The following PIEZO1 variants were observed in gnomAD, a reference collection of about 807,000 sequenced individuals.
The protein encoded by PIEZO1 is piezo type mechanosensitive ion channel component 1 (Er blood group).
Under a neutral mutation model 297.2 loss-of-function variants are expected in PIEZO1, and 296 were observed. That is an observed-to-expected ratio of 1.00 (90% CI 0.91 to 1.10). The LOEUF (loss-of-function observed/expected upper bound fraction) is 1.10, where lower values mean the gene tolerates loss of function less well. Ranked by LOEUF, PIEZO1 falls within the 50% of genes least tolerant of loss-of-function variation. The probability of loss-of-function intolerance (pLI) is 0.00; values close to 1 mark genes in which losing one functional copy is unlikely to be tolerated. For synonymous variants in PIEZO1, 2,427 were observed against 1,507.5 expected, an observed-to-expected ratio of 1.61 and a Z score of -14.13; for missense variants, 5,018 against 3,455.5, an observed-to-expected ratio of 1.45 and a Z score of -11.34.
In PIEZO1 at chr16:88,741,322, C is replaced by T. The variant is rs73266644; in HGVS notation, c.465+156G>A. On this transcript the variant is annotated intron_variant, in intron 5 of 50. Transcript: ENST00000301015. ...AACGGATGGAACTGCAGGCTGGGCC[C>T]CGGGGTGGGATTTGGAACTTCCTCC... is the stretch of plus-strand genomic sequence containing the variant. 0.014 allele frequency: 9,150 copies of T among 670,554 alleles called. 619 individuals carry two copies. In the African/African-American group the frequency reaches 0.15, roughly 11 times the overall value. 41.5% of individuals were successfully genotyped at this position (670,554 alleles called of 1,614,324 possible).
At chr16:88,727,465 G>A (rs922894585) in intron 23 of PIEZO1, 92 bp downstream of exon 23, 9 of 649,180 alleles carry the variant, frequency 1.4e-5, no homozygotes, top group African/African-American at 1.3e-4. Flanking sequence ...CTCCGCCCGT[G>A]CACGCCTGTG....
In PIEZO1 at chr16:88,742,048, C is replaced by G; in HGVS notation, c.326+5G>C. On this transcript the variant is annotated splice_donor_5th_base_variant and intron_variant, in intron 4 of 50. Transcript: ENST00000301015. ...GCTGGTTGGGGGTGGGAGGAATGGT[C>G]TTACCTTGTGACCCCTATGTGTCGC... 6.5e-7 allele frequency: 1 copy of G among 1,536,098 alleles called. No individual in the cohort carries two copies. The highest frequency in any genetic ancestry group is 8.7e-7 in the Non-Finnish European group (1 of 1,146,742).
chr16:88,759,834 A>G (rs1906845146), intron 1 of PIEZO1, among the ~76,000 whole-genome samples: 1 of 152,118 alleles, frequency 6.6e-6, no homozygotes, highest in African/African-American at 2.4e-5. Flanking sequence ...TGCATGGCCT[A>G]CCACCCCAGA....
intron 1 of PIEZO1, among the ~76,000 whole-genome samples, chr16:88,752,216 C>T (rs1906425793): frequency 6.6e-6 from 1 of 152,244 alleles, no homozygotes; most frequent in Non-Finnish European, 1.5e-5. Context: ...GGTGTGGTGG[C>T]TGAGGCCTGT....
At chr16:88,744,195 A>G (rs1410432002) in intron 2 of PIEZO1, 1 of 154,112 alleles carries the variant, frequency 6.5e-6, no homozygotes, top group African/African-American at 2.4e-5. Flanking sequence ...GAGAACACCG[A>G]CCCAGGGAAT....
At chr16:88,727,912 G>A (rs1007658643) in intron 22 of PIEZO1, 29 of 331,062 alleles carry the variant, frequency 8.8e-5, no homozygotes, top group African/African-American at 5.7e-4. Flanking sequence ...GGGGGTGGGG[G>A]CTGCTGGGCC....
At position 88,737,613 on chromosome 16, in the gene PIEZO1, C is replaced by G; in HGVS notation, c.1141G>C (p.Asp381His). ...VVPTAPDTEA[D>H]NCIVHELTGQ... ...GTCAGCTCGTGCACGATGCAGTTAT[C>G]AGCCTCGGTGTCGGGTGCTGTGGGC... The change falls in exon 10 of 51, where the codon GAT becomes CAT. Residue 381 changes from aspartate to histidine, a missense_variant. By Grantham distance (81) the Asp-to-His change is moderately conservative. Transcript: ENST00000301015. 6.5e-7 allele frequency: 1 copy of G among 1,532,900 alleles called. No homozygotes were observed. The highest frequency in any genetic ancestry group is 8.7e-7 in the Non-Finnish European group (1 of 1,146,612). The allele number at this position is 1,532,900 out of a possible 1,614,324, so 95.0% of individuals were successfully genotyped here.
Position 88,734,035 on chromosome 16 carries a change from T to C in PIEZO1, c.2200A>G (p.Thr734Ala). 1 of 1,533,674 alleles carries C rather than the reference T, an allele frequency of 6.5e-7. No homozygotes were observed. Among genetic ancestry groups the C allele is most frequent in the Non-Finnish European group, 8.8e-7 (1 of 1,137,010 alleles). The change falls in exon 17 of 51, where the codon ACC (threonine) becomes GCC (alanine). Residue 734 changes from threonine to alanine, a missense_variant. Coordinates refer to ENST00000301015, the MANE Select transcript of PIEZO1 (RefSeq NM_001142864.4). ...TGCTGCTCCTCCCGCAGCAGTGGGGTCCCACTCACTGCATCCTGCCTGGGA... is the reference window on the plus strand; with the variant it reads ...TGCTGCTCCTCCCGCAGCAGTGGGGCCCCACTCACTGCATCCTGCCTGGGA... ...WAHRQDAVSG[T>A]PLLREEQQEH...
chr16:88,731,940 A>AAAGAGTG, intron 21 of PIEZO1, 30 bp from the exon 22 acceptor site: 1 of 1,334,742 alleles, frequency 7.5e-7, no homozygotes, highest in Non-Finnish European at 1.0e-6. Flanking sequence ...GGGTGTGGGG[A>AAAGAGTG]TGCACTGAGT....
chr16:88,760,568 G>A (rs564491414), intron 1 of PIEZO1, among the ~76,000 whole-genome samples: 1 of 152,276 alleles, frequency 6.6e-6, no homozygotes, highest in Admixed American at 6.5e-5. Context: ...GCAGGGATCC[G>A]AGGGGAACGA....
At chr16:88,752,075 G>A (rs190094431) in intron 1 of PIEZO1, among the ~76,000 whole-genome samples, 18 of 152,352 alleles carry the variant, frequency 1.2e-4, no homozygotes, top group Admixed American at 2.6e-4. Flanking sequence ...GGTGCCGTGC[G>A]TGCAGTTTCC....
chr16:88,781,784 G>T (rs539403028), intron 1 of PIEZO1, among the ~76,000 whole-genome samples: 2 of 152,362 alleles, frequency 1.3e-5, no homozygotes, highest in South Asian at 4.1e-4. Flanking sequence ...CCAGCTTCTC[G>T]GCCGCCTCCC....
Position 88,715,774 on chromosome 16 carries a change from A to G in PIEZO1, c.7397T>C (p.Ile2466Thr). 6.5e-7 allele frequency: 1 copy of G among 1,550,324 alleles called. No homozygotes were observed. The highest frequency in any genetic ancestry group is 8.7e-7 in the Non-Finnish European group (1 of 1,146,948). Residue 2466 changes from isoleucine (I) to threonine (T), a missense_variant, in exon 51 of 51, where the codon ATT (isoleucine) becomes ACT (threonine). Transcript: ENST00000301015. ...RGFFSEISHS[I>T]MFEELPCVDR... is the part of the protein sequence containing the mutation. Reference sequence around the variant, plus strand: ...CACGCACGGCAGCTCCTCGAACATAATGGAGTGCGAGATCTCGCTGAAGAA... The same window carrying G: ...CACGCACGGCAGCTCCTCGAACATAGTGGAGTGCGAGATCTCGCTGAAGAA...
Position 88,715,470 on chromosome 16 carries a change from G to T in PIEZO1, c.*135C>A. ...TCTCTGACAGCAGCATCAGGGCTCA[G>T]GCAGGCCGGGAGGATGCATCACAGC... On this transcript the variant is annotated 3_prime_UTR_variant, in exon 51 of 51. Coordinates refer to ENST00000301015, the MANE Select transcript of PIEZO1 (RefSeq NM_001142864.4). 9.7e-7 allele frequency: 1 copy of T among 1,035,548 alleles called. No individual in the cohort carries two copies. 64.1% of individuals were successfully genotyped at this position (1,035,548 alleles called of 1,614,324 possible).
chr16:88,774,143 T>A (rs773343090), intron 1 of PIEZO1, among the ~76,000 whole-genome samples: 4 of 152,196 alleles, frequency 2.6e-5, no homozygotes, highest in Non-Finnish European at 5.9e-5. Flanking sequence ...TCTAAGCGCA[T>A]GACTGTCACC....
At chr16:88,747,222 C>A (rs1906107195) in intron 2 of PIEZO1, among the ~76,000 whole-genome samples, 1 of 150,582 alleles carries the variant, frequency 6.6e-6, no homozygotes, top group African/African-American at 2.4e-5. Flanking sequence ...CCAAGCAAGA[C>A]CCCCACTCGA....
chr16:88,725,442 C>T lies in PIEZO1; in HGVS notation c.4136G>A (p.Gly1379Asp), dbSNP rs1400833755. 1.4e-6 allele frequency: 2 copies of T among 1,480,262 alleles called. No individual in the cohort carries two copies. The highest frequency in any genetic ancestry group is 2.4e-5 in the Admixed American group (1 of 42,490). The allele number at this position is 1,480,262 out of a possible 1,614,324, so 91.7% of individuals were successfully genotyped here. A position where few individuals can be genotyped will look rare whatever the true frequency, so the allele number is the denominator to read the frequency against. Reference protein sequence around the residue: ...VDRSRPQDTLGPKDPGLEPGP... With the variant: ...VDRSRPQDTLDPKDPGLEPGP... ...TGGCTCCAGGCCGGGGTCCTTGGGG[C>T]CCAGGGTGTCCTGGGGGCGACTGCG... The change falls in exon 29 of 51, where the codon GGC (glycine) becomes GAC (aspartate). Residue 1379 changes from glycine (G) to aspartate (D), a missense_variant. Physicochemically the swap from Gly to Asp is moderately conservative, Grantham distance 94. Transcript: ENST00000301015.
In PIEZO1 at chr16:88,722,681, T is replaced by G; in HGVS notation, c.4677A>C (p.Glu1559Asp). Residue 1559 changes from glutamate (E) to aspartate (D), a missense_variant, in exon 35 of 51, where the codon GAA becomes GAC. By Grantham distance (45) the Glu-to-Asp change is conservative. Transcript: ENST00000301015. ...GCTGATCCAGCACGCCCCTGTGCAC[T>G]TCGCCGCCCTGCAGGGCACAGCAGG... ...LLTQELLQGG[E>D]VHRGVLDQLY... 1 of 1,537,248 alleles carries G rather than the reference T, an allele frequency of 6.5e-7. No individual in the cohort carries two copies. Among genetic ancestry groups the G allele is most frequent in the South Asian group, 1.2e-5 (1 of 84,046 alleles).
In PIEZO1 at chr16:88,734,706, G is replaced by A. The variant is rs1269474194; in HGVS notation, c.1941C>T (p.Phe647=). 1 of 1,550,382 alleles carries A rather than the reference G, an allele frequency of 6.5e-7. No individual in the cohort carries two copies. The highest frequency in any genetic ancestry group is 8.7e-7 in the Non-Finnish European group (1 of 1,146,952). The change falls in exon 15 of 51, where the codon TTC becomes TTT. Residue 647 remains phenylalanine, a synonymous_variant. Coordinates refer to ENST00000301015, the MANE Select transcript of PIEZO1 (RefSeq NM_001142864.4). ...TMLVLIAVYT[F]QFQDFPAYWR... ...AGTAGGCAGGGAAGTCCTGGAACTG[G>A]AAGGTGTAGACGGCGATGAGGACCA...
Sources: gnomAD v4.1 joint callset for allele counts (sites outside exome capture counted in the v4.1 genomes callset) on GRCh38, gnomAD v4.1.1 for gene constraint, MANE v1.5 for transcripts, NCBI Gene and HGNC (gene_info 2026-07-23, HGNC 2026-07-21) for gene names.